PHTF1: variants seen among roughly 807,000 people sequenced by gnomAD.
The protein encoded by PHTF1 is putative homeodomain transcription factor 1, also known as protein PHTF1.
In PHTF1, 88 loss-of-function variants were observed where a neutral mutation model predicts 102.4. The ratio of observed to expected loss-of-function variants is 0.86; its 90% confidence interval spans 0.72 to 1.03. The LOEUF (loss-of-function observed/expected upper bound fraction) is 1.03. Among genes scored for constraint, PHTF1 ranks in the 50% least tolerant of loss-of-function variants. The pLI, the probability that PHTF1 is intolerant of heterozygous loss-of-function variation, is 0.00. For missense variants in PHTF1, 814 were observed against 909.5 expected (o/e 0.89, Z 1.35); for synonymous variants, 289 against 305.2 (o/e 0.95, Z 0.55).
At chr1:113,742,992 T>G (rs1379714969) in intron 3 of PHTF1, among the ~76,000 whole-genome samples, 5 of 151,942 alleles carry the variant, frequency 3.3e-5, no homozygotes, top group Non-Finnish European at 7.4e-5. Context: ...TGTTGTTGTT[T>G]TTGTAGAGAA....
intron 11 of PHTF1, among the ~76,000 whole-genome samples, chr1:113,706,982 G>A (rs911734424): frequency 2.7e-5 from 4 of 150,442 alleles, no homozygotes; most frequent in African/African-American, 9.8e-5. Flanking sequence ...AAGGACCATA[G>A]GCACATACCA....
chr1:113,697,557 G>T lies in PHTF1; in HGVS notation c.*148C>A. 1 of 602,742 alleles carries T rather than the reference G, an allele frequency of 1.7e-6. No individual in the cohort carries two copies. Among genetic ancestry groups the T allele is most frequent in the Non-Finnish European group, 3.0e-6 (1 of 332,248 alleles). 37.3% of individuals were successfully genotyped at this position (602,742 alleles called of 1,614,324 possible). A position where few individuals can be genotyped will look rare whatever the true frequency, so the allele number is the denominator to read the frequency against. On this transcript the variant is annotated 3_prime_UTR_variant, in exon 19 of 19. Transcript: ENST00000369604. ...AGTTGGAAAAGGACTTGCTCCTCCGGAAACACCATTCATTCGCTTTGGCAG... is the reference window on the plus strand; with the variant it reads ...AGTTGGAAAAGGACTTGCTCCTCCGTAAACACCATTCATTCGCTTTGGCAG...
intron 5 of PHTF1, among the ~76,000 whole-genome samples, chr1:113,730,115 C>T (rs928944349): frequency 1.3e-5 from 2 of 152,046 alleles, no homozygotes; most frequent in Non-Finnish European, 2.9e-5. Context: ...CTATAGCTAC[C>T]TGGTCAGAAG....
intron 11 of PHTF1, among the ~76,000 whole-genome samples, chr1:113,707,626 T>A (rs780075889): frequency 3.3e-5 from 5 of 152,230 alleles, no homozygotes; most frequent in African/African-American, 4.8e-5. Context: ...ATGCTTAGCA[T>A]AATGCCAACA....
chr1:113,720,525 A>T (rs1373329255), intron 7 of PHTF1, among the ~76,000 whole-genome samples: 1 of 152,230 alleles, frequency 6.6e-6, no homozygotes, highest in Non-Finnish European at 1.5e-5. Flanking sequence ...ATTTTCAGGG[A>T]TATACCATAT....
intron 3 of PHTF1, among the ~76,000 whole-genome samples, chr1:113,752,143 A>G (rs1220422946): frequency 6.6e-6 from 1 of 152,196 alleles, no homozygotes; most frequent in Non-Finnish European, 1.5e-5. Flanking sequence ...GATCATGAAC[A>G]TGAAATGCTA....
chr1:113,731,952 T>C (rs1230358994), intron 5 of PHTF1, among the ~76,000 whole-genome samples: 1 of 146,252 alleles, frequency 6.8e-6, no homozygotes, highest in African/African-American at 2.5e-5. Context: ...GAGAGCAATA[T>C]CATATTTCTG....
intron 7 of PHTF1, among the ~76,000 whole-genome samples, chr1:113,716,323 T>TTTAC (rs1652024886): frequency 1.3e-5 from 2 of 151,778 alleles, no homozygotes; most frequent in African/African-American, 4.8e-5. Context: ...GACATATTTA[T>TTTAC]TTACTTACTT....
chr1:113,699,257 C>G (rs1266624417), intron 17 of PHTF1: 2 of 249,226 alleles, frequency 8.0e-6, no homozygotes, highest in Non-Finnish European at 1.6e-5. Flanking sequence ...ATCTTGTTCC[C>G]CCAGTAGTCT....
intron 2 of PHTF1, 91 bp downstream of exon 2, chr1:113,758,568 T>A: frequency 3.1e-6 from 2 of 650,632 alleles, no homozygotes; most frequent in East Asian, 3.5e-5. Flanking sequence ...CTGGCACTAC[T>A]AAACTCGGGG....
chr1:113,724,677 A>G, intron 7 of PHTF1, 82 bp downstream of exon 7: 1 of 1,074,670 alleles, frequency 9.3e-7, no homozygotes, highest in Non-Finnish European at 1.3e-6. Flanking sequence ...ATAAGTCTAT[A>G]CTACTTACTC....
intron 16 of PHTF1, 169 bp from the exon 17 acceptor site, chr1:113,699,968 C>T: frequency 3.0e-6 from 2 of 673,056 alleles, no homozygotes; most frequent in Non-Finnish European, 4.4e-6. Context: ...CATTCCTGAT[C>T]AGTCTCCCTC....
chr1:113,720,411 T>A (rs374220618), intron 7 of PHTF1, among the ~76,000 whole-genome samples: 2 of 151,408 alleles, frequency 1.3e-5, no homozygotes. Context: ...ACAAAAAAAA[T>A]TGGACTTAAT....
At chr1:113,703,861 T>G in intron 15 of PHTF1, 1 of 479,294 alleles carries the variant, frequency 2.1e-6, no homozygotes, top group Non-Finnish European at 3.7e-6. Flanking sequence ...CAATTAATAA[T>G]TACCAACTAA....
At chr1:113,753,423 CTTCT>C (rs1658372800) in intron 3 of PHTF1, among the ~76,000 whole-genome samples, 1 of 89,200 alleles carries the variant, frequency 1.1e-5, no homozygotes, top group African/African-American at 5.2e-5. Flanking sequence ...TAATTAGGTT[CTTCT>C]TTTTTTTTTT....
chr1:113,709,143 G>A (rs909210698), intron 11 of PHTF1, among the ~76,000 whole-genome samples: 18 of 151,986 alleles, frequency 1.2e-4, no homozygotes, highest in Admixed American at 9.8e-4. Context: ...GGCTGAGGTG[G>A]GAGGATCACT....
rs1187563980 is a variant in PHTF1, at chr1:113,711,955, C to T, written c.942G>A (p.Arg314=). ...TAGAAATTACCTGAGAGTTTAGGTG[C>T]CTTGAAAGTATTGATTTTCTATTCT... The part of the protein sequence containing the change: ...EVKNRKSILS[R]HLNSQVKKTT... Residue 314 remains arginine (R), a synonymous_variant, in exon 9 of 19, where the codon AGG becomes AGA. Transcript: ENST00000369604. The T allele has an allele frequency of 1.2e-6, 2 of 1,613,686 alleles. No homozygotes were observed. Among genetic ancestry groups the T allele is most frequent in the South Asian group, 1.1e-5 (1 of 91,058 alleles).
At chr1:113,715,682 C>G (rs541406431) in intron 7 of PHTF1, among the ~76,000 whole-genome samples, 1 of 54,202 alleles carries the variant, frequency 1.8e-5, no homozygotes, top group African/African-American at 5.5e-5. Context: ...AAAAAAAAAG[C>G]TATTTTGAGG....
At chr1:113,719,536 A>G (rs1358764284) in intron 7 of PHTF1, among the ~76,000 whole-genome samples, 2 of 152,204 alleles carry the variant, frequency 1.3e-5, no homozygotes, top group Non-Finnish European at 2.9e-5. Context: ...ACATAACAAG[A>G]GTCACCTTTG....
Sources: gnomAD v4.1 joint callset for allele counts (sites outside exome capture counted in the v4.1 genomes callset) on GRCh38, gnomAD v4.1.1 for gene constraint, MANE v1.5 for transcripts, NCBI Gene and HGNC (gene_info 2026-07-23, HGNC 2026-07-21) for gene names.